Variants in RIPOR2 observed in about 807,000 individuals in gnomAD.
RIPOR2 encodes rho family-interacting cell polarization regulator 2.
A neutral mutation model predicts 114.5 loss-of-function variants in RIPOR2; 39 were observed. That is an observed-to-expected ratio of 0.34 (90% CI 0.26 to 0.44). RIPOR2 has a LOEUF of 0.44. Ranked by LOEUF, RIPOR2 falls within the 20% of genes least tolerant of loss-of-function variation. The pLI, the probability that RIPOR2 is intolerant of heterozygous loss-of-function variation, is 1.00. For missense variants in RIPOR2, 1,007 were observed against 1,255.1 expected (o/e 0.80, Z 2.99); for synonymous variants, 445 against 484.4 (o/e 0.92, Z 1.07).
chr6:24,963,737 T>A lies in RIPOR2; in HGVS notation c.76+78114A>T, dbSNP rs556853610. ...AAAAAGGTGTACGTATGTTTGTGCA[T>A]GCATGTGAATGTGTGTGTGTGTGTA... On this transcript the variant is annotated intron_variant, in intron 1 of 13. Coordinates refer to the RIPOR2 transcript ENST00000510784. Among the ~76,000 whole-genome samples the A allele has an allele frequency of 3.6e-3, 295 of 82,548 alleles. 13 individuals carry two copies. The East Asian group carries it at 0.12, about 33-fold the overall frequency. 54.2% of individuals were successfully genotyped at this position (82,548 alleles called of 152,430 possible).
intron 19 of RIPOR2, among the ~76,000 whole-genome samples, chr6:24,821,380 C>T (rs1759688088): frequency 6.6e-6 from 1 of 151,922 alleles, no homozygotes; most frequent in African/African-American, 2.4e-5. Flanking sequence ...GATGGGGTTT[C>T]TCCATGTTGG....
intron 1 of RIPOR2, among the ~76,000 whole-genome samples, chr6:24,917,104 A>G (rs904255124): frequency 1.3e-5 from 2 of 152,138 alleles, no homozygotes; most frequent in Non-Finnish European, 2.9e-5. Flanking sequence ...CTGCAATAAT[A>G]TAATCTAGGC....
At chr6:25,015,992 C>T (rs1261307762) in intron 1 of RIPOR2, among the ~76,000 whole-genome samples, 1 of 149,634 alleles carries the variant, frequency 6.7e-6, no homozygotes, top group Admixed American at 6.7e-5. Context: ...CAACCTCCAC[C>T]TCCTGGGTTC....
intron 13 of RIPOR2, chr6:24,839,988 C>A (rs1459748544): frequency 3.1e-6 from 3 of 953,402 alleles, no homozygotes; most frequent in Non-Finnish European, 3.7e-6. Context: ...CTTGCTCTGT[C>A]ACTCAGGCTG....
At chr6:24,844,953 C>T (rs961315091) in intron 12 of RIPOR2, among the ~76,000 whole-genome samples, 1 of 151,988 alleles carries the variant, frequency 6.6e-6, no homozygotes, top group Non-Finnish European at 1.5e-5. Context: ...GAAGGGAAGA[C>T]AAAGGCTCCC....
At chr6:24,879,881 C>T (rs1419531814) in intron 1 of RIPOR2, among the ~76,000 whole-genome samples, 1 of 152,134 alleles carries the variant, frequency 6.6e-6, no homozygotes, top group Non-Finnish European at 1.5e-5. Context: ...CTGGTCTGTC[C>T]CCAGCTTTCA....
intron 1 of RIPOR2, among the ~76,000 whole-genome samples, chr6:24,906,955 A>G (rs1474508057): frequency 6.6e-6 from 1 of 152,166 alleles, no homozygotes; most frequent in Non-Finnish European, 1.5e-5. Flanking sequence ...TTATATTTTT[A>G]TATTGAATGC....
chr6:25,041,703 T>TA, intron 1 of RIPOR2: 6 of 588,324 alleles, frequency 1.0e-5, no homozygotes, highest in Admixed American at 6.3e-5. Context: ...AATACCAAAG[T>TA]CCATTGGAAA....
chr6:24,908,634 T>C (rs1392900930), intron 1 of RIPOR2, among the ~76,000 whole-genome samples: 2 of 152,282 alleles, frequency 1.3e-5, no homozygotes, highest in East Asian at 3.9e-4. Context: ...GGAAGGACAT[T>C]TGGCAGTGAT....
At chr6:24,930,512 T>C (rs1235933392) in intron 1 of RIPOR2, among the ~76,000 whole-genome samples, 1 of 152,250 alleles carries the variant, frequency 6.6e-6, no homozygotes, top group African/African-American at 2.4e-5. Context: ...ACAGCCTGCA[T>C]AGCTTTAGTG....
Position 24,828,262 on chromosome 6 carries a change from C to T in RIPOR2, c.2540G>A (p.Arg847Gln), listed in dbSNP as rs9461073. 323,712 of 1,548,872 alleles carry T rather than the reference C, an allele frequency of 0.21. 35,327 individuals are homozygous for T. Among genetic ancestry groups the T allele is most frequent in the African/African-American group, 0.36 (26,389 of 72,918 alleles). The change falls in exon 18 of 22, where the codon CGG becomes CAG. Residue 847 changes from arginine (R) to glutamine (Q), a missense_variant. By Grantham distance (43) the Arg-to-Gln change is conservative. Transcript: ENST00000643898. ...GCTGGAGGAAAGCAGAGGCTCAGCC[C>T]GGTCCAGAATTTGGGACACCAGGGT... ...FRTLVSQILD[R>Q]AEPLLSSSLS...
At chr6:25,031,740 TATATATATATAA>T (rs1776976574) in intron 1 of RIPOR2, among the ~76,000 whole-genome samples, 4 of 68,130 alleles carry the variant, frequency 5.9e-5, no homozygotes, top group Admixed American at 1.6e-4. Context: ...TATATATATA[TATATATATATAA>T]AATATCCATA....
At chr6:24,946,090 T>G (rs199505894) in intron 1 of RIPOR2, among the ~76,000 whole-genome samples, 1 of 11,528 alleles carries the variant, frequency 8.7e-5, no homozygotes, top group African/African-American at 5.3e-4. Flanking sequence ...TTTTAATTAA[T>G]TTTTTTTTTT....
chr6:24,928,518 T>C (rs937656924), intron 1 of RIPOR2, among the ~76,000 whole-genome samples: 2 of 152,250 alleles, frequency 1.3e-5, no homozygotes, highest in African/African-American at 4.8e-5. Context: ...GCAAGTTATC[T>C]TTTTGTTACT....
intron 12 of RIPOR2, among the ~76,000 whole-genome samples, chr6:24,845,841 G>A (rs571591968): frequency 7.3e-4 from 111 of 152,132 alleles, no homozygotes; most frequent in Admixed American, 2.4e-3. Flanking sequence ...GGCAGGCACC[G>A]GAGGAAGTGC....
intron 1 of RIPOR2, among the ~76,000 whole-genome samples, chr6:24,952,606 G>C (rs1002707799): frequency 3.9e-5 from 6 of 152,152 alleles, no homozygotes; most frequent in African/African-American, 9.7e-5. Flanking sequence ...ATAAAAGGTA[G>C]TAATGAGGAG....
At chr6:24,844,470 T>C (rs1378774252) in intron 12 of RIPOR2, among the ~76,000 whole-genome samples, 2 of 152,090 alleles carry the variant, frequency 1.3e-5, no homozygotes, top group African/African-American at 4.8e-5. Context: ...ATGGTTAATT[T>C]TTCTTTTTTT....
Position 24,869,116 on chromosome 6 carries a change from C to T in RIPOR2, c.479G>A (p.Arg160His), listed in dbSNP as rs1053923419. ...QIKTIERYMR[R>H]LEFHISKVDE... Reference sequence around the variant, plus strand: ...TACCTTACTTATATGAAACTCCAGGCGTCTCATGTATCTTTCAATTGTTTT... The same window carrying T: ...TACCTTACTTATATGAAACTCCAGGTGTCTCATGTATCTTTCAATTGTTTT... Residue 160 changes from arginine (R) to histidine (H), a missense_variant, in exon 6 of 22, where the codon CGC becomes CAC. Arg to His is a conservative substitution (Grantham distance 29). Transcript: ENST00000643898. 1.3e-5 allele frequency: 20 copies of T among 1,586,202 alleles called. No homozygotes were observed. Among genetic ancestry groups the T allele is most frequent in the African/African-American group, 4.1e-5 (3 of 73,872 alleles).
At chr6:24,918,645 T>C (rs1422487344) in intron 1 of RIPOR2, among the ~76,000 whole-genome samples, 1 of 152,164 alleles carries the variant, frequency 6.6e-6, no homozygotes, top group African/African-American at 2.4e-5. Context: ...TCATGGACAT[T>C]ATTTTGGAGC....
Sources: allele counts gnomAD v4.1 joint callset (sites outside exome capture counted in the v4.1 genomes callset), GRCh38; gene constraint gnomAD v4.1.1; transcripts MANE v1.5; gene names NCBI Gene and HGNC (gene_info 2026-07-23, HGNC 2026-07-21).